Variants in TMPRSS2 observed in about 807,000 individuals in gnomAD.
The protein encoded by TMPRSS2 is transmembrane serine protease 2, also known as transmembrane protease serine 2.
A neutral mutation model predicts 67.4 loss-of-function variants in TMPRSS2; 59 were observed. That is an observed-to-expected ratio of 0.88 (90% confidence interval 0.71 to 1.09). The LOEUF (loss-of-function observed/expected upper bound fraction) is 1.09. Ranked by LOEUF, TMPRSS2 falls within the 50% of genes least tolerant of loss-of-function variation. The pLI, the probability that TMPRSS2 is intolerant of heterozygous loss-of-function variation, is 0.00. For synonymous variants in TMPRSS2, 257 were observed against 257.0 expected, an observed-to-expected ratio of 1.00 and a Z score of 0.00; for missense variants, 668 against 642.7, an observed-to-expected ratio of 1.04 and a Z score of -0.43.
intron 6 of TMPRSS2, among the ~76,000 whole-genome samples, chr21:41,480,236 C>A (rs1321834969): frequency 6.6e-6 from 1 of 152,196 alleles, no homozygotes; most frequent in African/African-American, 2.4e-5. Context: ...TCCCGAGCAA[C>A]CAGGAGTCTA....
At position 41,466,166 on chromosome 21, in the gene TMPRSS2, GAA is replaced by G; in HGVS notation, c.1468-15_1468-14del. 2 of 1,506,826 alleles carry G rather than the reference GAA, an allele frequency of 1.3e-6. No homozygotes were observed. Among genetic ancestry groups the G allele is most frequent in the Non-Finnish European group, 1.8e-6 (2 of 1,106,370 alleles). The allele number at this position is 1,506,826 out of a possible 1,614,324, so 93.3% of individuals were successfully genotyped here. A position where few individuals can be genotyped will look rare whatever the true frequency, so the allele number is the denominator to read the frequency against. ...ATTAGCCGTCTGCCTGTTCAAATAG[GAA>G]AAAAAAAAGTGTGTTATTTTCTTAA... On this transcript the variant is annotated splice_polypyrimidine_tract_variant and intron_variant, in intron 13 of 13. Transcript: ENST00000332149.
chr21:41,494,608 T>C (rs1204400042), intron 2 of TMPRSS2, 30 bp from the exon 3 acceptor site: 28 of 1,596,474 alleles, frequency 1.8e-5, no homozygotes, highest in Non-Finnish European at 2.3e-5. Context: ...ATGAATAATA[T>C]AAAACTCTTA....
chr21:41,482,907 A>G (rs1486541388), intron 5 of TMPRSS2, among the ~76,000 whole-genome samples: 3 of 152,218 alleles, frequency 2.0e-5, no homozygotes, highest in Non-Finnish European at 2.9e-5. Flanking sequence ...GAAAAGACCA[A>G]AACTTCGGAG....
rs1022298008 is a variant in TMPRSS2, at chr21:41,494,315, C to T, written c.238+41G>A. The T allele has an allele frequency of 1.0e-5, 16 of 1,606,194 alleles. No homozygotes were observed. In the African/African-American group the frequency reaches 2.0e-4, roughly 20 times the overall value. ...CCCACTGGGGAGGTAGACCCGGGAC[C>T]CCGGGTTTATTACAGGAAATAAACA... On this transcript the variant is annotated intron_variant, in intron 3 of 13. Transcript: ENST00000332149.
chr21:41,485,894 C>T (rs920446795), intron 5 of TMPRSS2, among the ~76,000 whole-genome samples: 5 of 152,174 alleles, frequency 3.3e-5, no homozygotes, highest in African/African-American at 1.2e-4. Context: ...GCACGAGGGC[C>T]GAGCTCCACG....
At position 41,465,777 on chromosome 21, in the gene TMPRSS2, T is replaced by C; in HGVS notation, c.*365A>G. Reference sequence around the variant, plus strand: ...CCCTTTCCATGTCTCTCCTTTTTCATCTCAAGTCATCCAGCAGCTGAGAGG... The same window carrying C: ...CCCTTTCCATGTCTCTCCTTTTTCACCTCAAGTCATCCAGCAGCTGAGAGG... On this transcript the variant is annotated 3_prime_UTR_variant, in exon 14 of 14. Transcript: ENST00000332149. 3.3e-6 allele frequency: 1 copy of C among 303,924 alleles called. No individual in the cohort carries two copies. Among genetic ancestry groups the C allele is most frequent in the South Asian group, 1.1e-4 (1 of 9,280 alleles). The allele number at this position is 303,924 out of a possible 1,614,324, so 18.8% of individuals were successfully genotyped here.
chr21:41,468,593 A>G, intron 11 of TMPRSS2, 55 bp from the exon 12 acceptor site: 1 of 1,600,118 alleles, frequency 6.2e-7, no homozygotes, highest in South Asian at 1.1e-5. Context: ...TCTCGCAGGG[A>G]GAGCACACTT....
chr21:41,468,343 G>A (rs1450764734), intron 12 of TMPRSS2, 53 bp downstream of exon 12: 1 of 1,603,170 alleles, frequency 6.2e-7, no homozygotes, highest in Non-Finnish European at 8.5e-7. Context: ...CTCTCATGGG[G>A]GGTTCAGTAG....
chr21:41,493,671 T>A (rs573828363), intron 3 of TMPRSS2, among the ~76,000 whole-genome samples: 90 of 152,268 alleles, frequency 5.9e-4, no homozygotes, highest in Non-Finnish European at 1.1e-3. Flanking sequence ...CTAGCCTGAA[T>A]TAACAGCTGG....
rs533229030 is a variant in TMPRSS2 at position 41,498,034 on chromosome 21, A to G, written c.15+85T>C. On this transcript the variant is annotated intron_variant, in intron 2 of 13. Coordinates refer to ENST00000332149, the MANE Select transcript of TMPRSS2 (RefSeq NM_005656.4). ...GCGTTCCCTACAAATAGCCCTTGCA[A>G]TTGCTGACCCCAAACAATGTTGGGA... 2.5e-5 allele frequency: 27 copies of G among 1,080,124 alleles called. No homozygotes were observed. In the East Asian group the frequency reaches 6.0e-4, roughly 24 times the overall value. 66.9% of individuals were successfully genotyped at this position (1,080,124 alleles called of 1,614,324 possible).
chr21:41,483,122 C>T (rs1463969695), intron 5 of TMPRSS2, among the ~76,000 whole-genome samples: 1 of 152,088 alleles, frequency 6.6e-6, no homozygotes, highest in East Asian at 1.9e-4. Flanking sequence ...TCAGGTTCAT[C>T]GGTGTTAATG....
Position 41,479,296 on chromosome 21 carries a change from C to A in TMPRSS2, c.573-14G>T, listed in dbSNP as rs752564504. The A allele has an allele frequency of 3.1e-6, 5 of 1,598,402 alleles. No individual in the cohort carries two copies. Among genetic ancestry groups the A allele is most frequent in the South Asian group, 1.1e-5 (1 of 90,662 alleles). On this transcript the variant is annotated splice_polypyrimidine_tract_variant and intron_variant, in intron 6 of 13. Transcript: ENST00000332149. ...TAAAAATTATTCCTAAAAAAGAAAA[C>A]CTTATTTGTGATAATGGTTAAGGCA...
At position 41,473,447 on chromosome 21, in the gene TMPRSS2, G is replaced by A. The variant is rs2298659; in HGVS notation, c.777C>T (p.Gly259=). Residue 259 remains glycine, a synonymous_variant, in exon 9 of 14, where the codon GGC becomes GGT. Coordinates refer to ENST00000332149, the MANE Select transcript of TMPRSS2 (RefSeq NM_005656.4). The part of the protein sequence containing the change: ...NSSRQSRIVG[G]ESALPGAWPW... ...GCCAGGCCCCCGGGAGCGCGCTCTCGCCGCCCACAATCCTGCTCTGGCGGC... is the reference window on the plus strand; with the variant it reads ...GCCAGGCCCCCGGGAGCGCGCTCTCACCGCCCACAATCCTGCTCTGGCGGC... 0.23 allele frequency: 368,488 copies of A among 1,608,854 alleles called. 43,953 individuals are homozygous for A. Among genetic ancestry groups the A allele is most frequent in the East Asian group, 0.27 (12,214 of 44,708 alleles).
At chr21:41,470,887 C>G in intron 10 of TMPRSS2, 144 bp from the exon 11 acceptor site, 1 of 572,058 alleles carries the variant, frequency 1.7e-6, no homozygotes, top group Non-Finnish European at 3.1e-6. Flanking sequence ...CACATTCTCA[C>G]TTTCTCCCCC....
chr21:41,466,114 A>G lies in TMPRSS2; in HGVS notation c.*28T>C, dbSNP rs1193605693. 1 of 1,613,670 alleles carries G rather than the reference A, an allele frequency of 6.2e-7. No individual in the cohort carries two copies. The highest frequency in any genetic ancestry group is 1.7e-5 in the Admixed American group (1 of 59,940). On this transcript the variant is annotated 3_prime_UTR_variant, in exon 14 of 14. Transcript: ENST00000332149. ...ACCAGCCCCATTGTTTTCTTGTAAAACGACGTCAAGGACGAAGACCATGTG... is the reference window on the plus strand; with the variant it reads ...ACCAGCCCCATTGTTTTCTTGTAAAGCGACGTCAAGGACGAAGACCATGTG...
Position 41,508,115 on chromosome 21 carries a change from CCCTCCG to C in TMPRSS2, c.-97_-92del, listed in dbSNP as rs543548317. On this transcript the variant is annotated 5_prime_UTR_variant, in exon 1 of 14. Coordinates refer to ENST00000332149, the MANE Select transcript of TMPRSS2 (RefSeq NM_005656.4). The stretch of plus-strand genomic sequence containing the variant: ...TCCAGGCGGCGCTCCCCGCCCCTCG[CCCTCCG>C]CCTCCGCCTCCGCCTCCTGCTTAGC... 1.9e-5 allele frequency: 21 copies of C among 1,078,492 alleles called. No homozygotes were observed. Among genetic ancestry groups the C allele is most frequent in the South Asian group, 5.3e-5 (2 of 38,086 alleles). 66.8% of individuals were successfully genotyped at this position (1,078,492 alleles called of 1,614,324 possible).
intron 1 of TMPRSS2, among the ~76,000 whole-genome samples, chr21:41,501,146 G>A (rs1337607494): frequency 2.6e-5 from 4 of 152,276 alleles, no homozygotes; most frequent in South Asian, 4.1e-4. Context: ...AAGGAACACC[G>A]GGAGCCACCA....
intron 8 of TMPRSS2, among the ~76,000 whole-genome samples, chr21:41,475,316 AGG>A (rs1169805090): frequency 6.6e-4 from 5 of 7,572 alleles, no homozygotes; most frequent in Admixed American, 2.2e-3. Flanking sequence ...TGAGGGGGTG[AGG>A]GGGTGAGTGA....
At position 41,494,579 on chromosome 21, in the gene TMPRSS2, C is replaced by A; in HGVS notation, c.16-1G>T. On this transcript the variant is annotated splice_acceptor_variant, in intron 2 of 13. Coordinates refer to ENST00000332149, the MANE Select transcript of TMPRSS2 (RefSeq NM_005656.4). LOFTEE classifies it high-confidence loss of function. ...AAGGTCCAATAGCTGGTGGTGACCCCTAAACAGTTGAAAAGAAGATGAATA... is the reference window on the plus strand; with the variant it reads ...AAGGTCCAATAGCTGGTGGTGACCCATAAACAGTTGAAAAGAAGATGAATA... 2 of 1,613,066 alleles carry A rather than the reference C, an allele frequency of 1.2e-6. No individual in the cohort carries two copies. The highest frequency in any genetic ancestry group is 1.7e-6 in the Non-Finnish European group (2 of 1,179,746).
Sources: allele counts gnomAD v4.1 joint callset (sites outside exome capture counted in the v4.1 genomes callset), GRCh38; gene constraint gnomAD v4.1.1; transcripts MANE v1.5; gene names NCBI Gene and HGNC (gene_info 2026-07-23, HGNC 2026-07-21).